ARHGAP22: variants seen among roughly 807,000 people sequenced by gnomAD.
ARHGAP22 encodes Rho GTPase activating protein 22.
ARHGAP22 carries 48 observed loss-of-function variants against 59.1 expected under a neutral mutation model. The ratio of observed to expected loss-of-function variants is 0.81; its 90% CI spans 0.64 to 1.03. The LOEUF is 1.03. Among genes scored for constraint, ARHGAP22 ranks in the 50% least tolerant of loss-of-function variants. The probability of loss-of-function intolerance (pLI) is 0.00; values close to 1 mark genes in which losing one functional copy is unlikely to be tolerated. For synonymous variants in ARHGAP22, 445 were observed against 416.4 expected, an observed-to-expected ratio of 1.07 and a Z score of -0.84; for missense variants, 1,015 against 958.7, an observed-to-expected ratio of 1.06 and a Z score of -0.78.
chr10:48,448,523 G>C (rs935684623), intron 9 of ARHGAP22, among the ~76,000 whole-genome samples: 7 of 152,204 alleles, frequency 4.6e-5, no homozygotes, highest in African/African-American at 1.7e-4. Context: ...ACGAAGGAAG[G>C]CTGACTTCCC....
chr10:48,439,387 ATC>A, the ARHGAP22 span: 4 of 151,622 alleles, frequency 2.6e-5, no homozygotes, highest in African/African-American at 9.7e-5. Context: ...TGAAAACAAA[ATC>A]TGTTTGTGGT....
intron 3 of ARHGAP22, among the ~76,000 whole-genome samples, chr10:48,487,921 T>A (rs1294932395): frequency 6.6e-6 from 1 of 152,256 alleles, no homozygotes; most frequent in African/African-American, 2.4e-5. Flanking sequence ...TTTTAAAAAA[T>A]TAGCCAGGCA....
Position 48,652,329 on chromosome 10 carries a change from A to G in ARHGAP22, c.-44T>C, listed in dbSNP as rs1232794122. The G allele has an allele frequency of 2.0e-6, 3 of 1,502,188 alleles. No individual in the cohort carries two copies. In the African/African-American group the frequency reaches 4.2e-5, roughly 21 times the overall value. 93.1% of individuals were successfully genotyped at this position (1,502,188 alleles called of 1,614,324 possible). On this transcript the variant is annotated 5_prime_UTR_variant, in exon 1 of 10. Transcript: ENST00000435790. ...TGCAAATTTCTTCTGTATCCTTTTT[A>G]TAAAGAACCAACCACATCCTCAAGC...
At chr10:48,508,995 C>A (rs61506366) in intron 3 of ARHGAP22, among the ~76,000 whole-genome samples, 9,181 of 152,294 alleles carry the variant, frequency 0.06, 949 homozygotes, top group African/African-American at 0.21. Context: ...AAACAGAGGT[C>A]TGCCCACAGG....
At chr10:48,576,451 A>C (rs1488229593) in intron 2 of ARHGAP22, among the ~76,000 whole-genome samples, 2 of 152,226 alleles carry the variant, frequency 1.3e-5, no homozygotes, top group East Asian at 3.9e-4. Context: ...ATGGACTTAC[A>C]TGAAGATAGT....
chr10:48,541,346 T>G (rs531881461), intron 3 of ARHGAP22, among the ~76,000 whole-genome samples: 1 of 152,326 alleles, frequency 6.6e-6, no homozygotes, highest in East Asian at 1.9e-4. Context: ...TACATCTTTG[T>G]TCTGCGCTGG....
chr10:48,570,658 G>T (rs2058341344), intron 2 of ARHGAP22, among the ~76,000 whole-genome samples: 1 of 152,178 alleles, frequency 6.6e-6, no homozygotes, highest in Non-Finnish European at 1.5e-5. Flanking sequence ...ACTTGCAGGT[G>T]GGAAGTAGGA....
At chr10:48,561,931 A>T (rs138580051) in intron 2 of ARHGAP22, among the ~76,000 whole-genome samples, 208 of 152,356 alleles carry the variant, frequency 1.4e-3, no homozygotes, top group African/African-American at 4.6e-3. Flanking sequence ...GACTCTTAAA[A>T]GAGTTAAACA....
intron 1 of ARHGAP22, among the ~76,000 whole-genome samples, chr10:48,617,168 T>C (rs2061112719): frequency 6.6e-6 from 1 of 151,998 alleles, no homozygotes; most frequent in Non-Finnish European, 1.5e-5. Context: ...TATGATCCCC[T>C]ATGCACTCAA....
chr10:48,583,661 G>C (rs571587946), intron 1 of ARHGAP22, among the ~76,000 whole-genome samples: 1 of 152,212 alleles, frequency 6.6e-6, no homozygotes, highest in Non-Finnish European at 1.5e-5. Context: ...TCACAGTCTA[G>C]CAGGGTTCCT....
intron 3 of ARHGAP22, among the ~76,000 whole-genome samples, chr10:48,499,870 G>A (rs565193187): frequency 5.9e-4 from 90 of 152,342 alleles, no homozygotes; most frequent in Non-Finnish European, 1.1e-3. Context: ...AGAGATGCCA[G>A]CAGCATAATA....
upstream of ARHGAP22, among the ~76,000 whole-genome samples, chr10:48,655,101 T>C (rs576703248): frequency 0.02 from 1,541 of 75,362 alleles, 388 homozygotes; most frequent in African/African-American, 0.076. Context: ...TCTCTTCTCT[T>C]CTCTTCTCTT....
chr10:48,599,798 G>A (rs532184742), intron 1 of ARHGAP22, among the ~76,000 whole-genome samples: 1 of 152,270 alleles, frequency 6.6e-6, no homozygotes, highest in African/African-American at 2.4e-5. Flanking sequence ...GCACAGAGTG[G>A]GTGGCCTGTC....
chr10:48,641,579 T>C (rs1479909248), intron 1 of ARHGAP22, among the ~76,000 whole-genome samples: 1 of 152,180 alleles, frequency 6.6e-6, no homozygotes, highest in Non-Finnish European at 1.5e-5. Flanking sequence ...AAATTAAGTA[T>C]TGATGGGACG....
At chr10:48,567,755 C>G (rs551915883) in intron 2 of ARHGAP22, among the ~76,000 whole-genome samples, 60 of 152,106 alleles carry the variant, frequency 3.9e-4, no homozygotes, top group Non-Finnish European at 7.2e-4. Context: ...ATCTCTCCCC[C>G]TGAGTCAACC....
In ARHGAP22 at chr10:48,562,096, C is replaced by T. The variant is rs187910436; in HGVS notation, c.235-6546G>A. Among the ~76,000 whole-genome samples, 42 of 151,976 alleles carry T rather than the reference C, an allele frequency of 2.8e-4. 1 individual carries two copies. The highest frequency in any genetic ancestry group is 9.2e-4 in the African/African-American group (38 of 41,466). On this transcript the variant is annotated intron_variant, in intron 2 of 9. Transcript: ENST00000249601. ...CAAAAATTTGCGGGGTGTGTTGGCACGTGCCTGTAGTCCCAGCTACTCAGG... is the reference window on the plus strand; with the variant it reads ...CAAAAATTTGCGGGGTGTGTTGGCATGTGCCTGTAGTCCCAGCTACTCAGG...
the ARHGAP22 span, among the ~76,000 whole-genome samples, chr10:48,440,705 AT>A: frequency 6.6e-6 from 1 of 152,166 alleles, no homozygotes; most frequent in Non-Finnish European, 1.5e-5. Flanking sequence ...AATATCAAGA[AT>A]TGCCTTTATT....
chr10:48,441,810 C>T (rs780976628), downstream of ARHGAP22, among the ~76,000 whole-genome samples: 10 of 152,146 alleles, frequency 6.6e-5, no homozygotes, highest in Non-Finnish European at 1.2e-4. Context: ...CTGGGTCCTG[C>T]GGGTCCAGGT....
rs189858830 is a variant in ARHGAP22 at position 48,632,234 on chromosome 10, C to T, written c.52+20000G>A. Among the ~76,000 whole-genome samples, 1,003 of 152,312 alleles carry T rather than the reference C, an allele frequency of 6.6e-3. 12 individuals carry two copies. Among genetic ancestry groups the T allele is most frequent in the African/African-American group, 0.023 (954 of 41,564 alleles). On this transcript the variant is annotated intron_variant, in intron 1 of 9. Transcript: ENST00000435790. ...AACATATGATATTTGCTTTTCCATT[C>T]CTGAGTTACTTCACTTAGAATAATG...
Sources: gnomAD v4.1 joint callset for allele counts (sites outside exome capture counted in the v4.1 genomes callset) on GRCh38, gnomAD v4.1.1 for gene constraint, MANE v1.5 for transcripts, NCBI Gene and HGNC (gene_info 2026-07-23, HGNC 2026-07-21) for gene names.